The following DAB1 variants were observed in gnomAD, a reference collection of about 807,000 sequenced individuals.
DAB1 encodes disabled homolog 1.
DAB1 carries 15 observed loss-of-function variants against 64.6 expected under a neutral mutation model. The ratio of observed to expected loss-of-function variants is 0.23; its 90% CI spans 0.16 to 0.36. The LOEUF (loss-of-function observed/expected upper bound fraction) is 0.36, where lower values mean the gene tolerates loss of function less well. DAB1 is among the 10% of genes least tolerant of loss of function. DAB1 has a pLI of 1.00. For synonymous variants in DAB1, 235 were observed against 251.9 expected, an observed-to-expected ratio of 0.93 and a Z score of 0.64; for missense variants, 596 against 706.7, an observed-to-expected ratio of 0.84 and a Z score of 1.78.
chr1:57,503,084 T>C (rs939777011), intron 7 of DAB1, among the ~76,000 whole-genome samples: 1 of 152,178 alleles, frequency 6.6e-6, no homozygotes, highest in African/African-American at 2.4e-5. Flanking sequence ...TCAACTTTGG[T>C]TGGCTTGACT....
rs72676967 is a variant in DAB1 at position 57,601,019 on chromosome 1, T to A, written n.625+48573A>T. Among the ~76,000 whole-genome samples, 1,328 of 152,318 alleles carry A rather than the reference T, an allele frequency of 8.7e-3. 9 individuals carry two copies. The highest frequency in any genetic ancestry group is 0.014 in the Non-Finnish European group (963 of 68,032). ...ATTTTAATTAAAAAGAGAGTTTTTT[T>A]TTAAATGATGCCTAGTGCTATTTTT... On this transcript the variant is annotated intron_variant and non_coding_transcript_variant, in intron 7 of 20. Transcript: ENST00000485760.
rs75787097 is a variant in DAB1 at position 57,158,001 on chromosome 1, C to T, written c.68-12572G>A. 6.4e-3 allele frequency among the ~76,000 whole-genome samples: 970 copies of T among 152,246 alleles called. 22 individuals are homozygous for T. Among genetic ancestry groups the T allele is most frequent in the East Asian group, 0.057 (293 of 5,184 alleles). On this transcript the variant is annotated intron_variant, in intron 2 of 14. Coordinates refer to ENST00000371236, the MANE Select transcript of DAB1 (RefSeq NM_001365792.1). ...GCGTAGCTGCCTAACCCTTTGAGGT[C>T]GGAAGGCATCACATTTAAATCACGG... is the stretch of plus-strand genomic sequence containing the variant.
intron 5 of DAB1, among the ~76,000 whole-genome samples, chr1:58,054,273 C>T (rs536074196): frequency 1.3e-5 from 2 of 152,328 alleles, no homozygotes; most frequent in Non-Finnish European, 2.9e-5. Context: ...CCTATATCTA[C>T]AATTTTAAAA....
intron 6 of DAB1, among the ~76,000 whole-genome samples, chr1:57,754,902 C>T (rs1421359056): frequency 6.6e-6 from 1 of 152,108 alleles, no homozygotes; most frequent in Admixed American, 6.6e-5. Context: ...ATTCCCAATG[C>T]ACATTTTCAC....
intron 2 of DAB1, among the ~76,000 whole-genome samples, chr1:57,223,163 C>G (rs1352553325): frequency 2.0e-5 from 3 of 152,156 alleles, no homozygotes; most frequent in Non-Finnish European, 4.4e-5. Flanking sequence ...CTTCAGAAAC[C>G]AAAGGCAAGT....
At chr1:58,505,552 A>G (rs887133752) in intron 3 of DAB1, among the ~76,000 whole-genome samples, 1 of 152,150 alleles carries the variant, frequency 6.6e-6, no homozygotes, top group African/African-American at 2.4e-5. Context: ...GCCAGAGAGC[A>G]AATGCTTCAC....
intron 3 of DAB1, among the ~76,000 whole-genome samples, chr1:58,467,375 T>C (rs1486387873): frequency 6.6e-6 from 1 of 152,204 alleles, no homozygotes; most frequent in Non-Finnish European, 1.5e-5. Context: ...AATAATTACT[T>C]AGGCTTTGCC....
intron 6 of DAB1, among the ~76,000 whole-genome samples, chr1:57,699,900 A>C (rs1247139527): frequency 6.6e-6 from 1 of 152,182 alleles, no homozygotes; most frequent in Admixed American, 6.5e-5. Flanking sequence ...TGACAGAGTG[A>C]GAGTCCATCT....
intron 4 of DAB1, among the ~76,000 whole-genome samples, chr1:57,130,298 A>C (rs895266320): frequency 8.5e-5 from 13 of 152,204 alleles, no homozygotes; most frequent in Admixed American, 8.5e-4. Context: ...CACCAACCCT[A>C]AGACATAGGT....
chr1:58,225,898 CATGTATACAT>C (rs1266205853), intron 4 of DAB1, among the ~76,000 whole-genome samples: 1 of 144,400 alleles, frequency 6.9e-6, no homozygotes, highest in African/African-American at 2.6e-5. Context: ...CAACATGGCA[CATGTATACAT>C]ATGTAACTAA....
At chr1:58,543,736 G>A (rs576719860) in intron 1 of DAB1, among the ~76,000 whole-genome samples, 20 of 152,248 alleles carry the variant, frequency 1.3e-4, no homozygotes, top group Admixed American at 9.8e-4. Flanking sequence ...CTCTGGCAAA[G>A]GGATATACAA....
At chr1:57,796,177 A>G (rs1406689970) in intron 6 of DAB1, among the ~76,000 whole-genome samples, 1 of 152,186 alleles carries the variant, frequency 6.6e-6, no homozygotes, top group African/African-American at 2.4e-5. Flanking sequence ...CTTTAGTTTC[A>G]TTCCAATTGC....
At chr1:58,187,399 C>T (rs1657137535) in intron 4 of DAB1, among the ~76,000 whole-genome samples, 1 of 151,160 alleles carries the variant, frequency 6.6e-6, no homozygotes, top group Admixed American at 6.6e-5. Context: ...ATTACTTGAG[C>T]CTCGGAGTTT....
chr1:57,609,294 T>C (rs1368873214), intron 7 of DAB1, among the ~76,000 whole-genome samples: 1 of 152,242 alleles, frequency 6.6e-6, no homozygotes, highest in East Asian at 1.9e-4. Context: ...TGCAGACTTT[T>C]TTTCTCATTA....
At chr1:58,527,459 C>T in intron 1 of DAB1, 1 of 606,636 alleles carries the variant, frequency 1.6e-6, no homozygotes, top group Non-Finnish European at 3.0e-6. Flanking sequence ...ATACTGTCTA[C>T]TAACATTAAA....
At chr1:58,021,881 A>T (rs1646820477) in intron 5 of DAB1, among the ~76,000 whole-genome samples, 1 of 152,226 alleles carries the variant, frequency 6.6e-6, no homozygotes. Context: ...GAATGTGATG[A>T]GAGGCTGCCA....
intron 7 of DAB1, among the ~76,000 whole-genome samples, chr1:57,459,988 C>T (rs144887936): frequency 2.6e-5 from 4 of 152,260 alleles, no homozygotes; most frequent in East Asian, 1.9e-4. Context: ...TAACACTATA[C>T]CCACCTTACA....
intron 2 of DAB1, among the ~76,000 whole-genome samples, chr1:57,162,340 T>C (rs894029040): frequency 6.6e-6 from 1 of 152,182 alleles, no homozygotes; most frequent in Non-Finnish European, 1.5e-5. Context: ...TCTGGACACA[T>C]TGCCCATGGA....
chr1:57,824,894 C>A (rs996091611), downstream of DAB1, among the ~76,000 whole-genome samples: 2 of 152,146 alleles, frequency 1.3e-5, no homozygotes, highest in African/African-American at 4.8e-5. Context: ...AGGTGTCCTG[C>A]ATGGAGAAAG....
Sources: gnomAD v4.1 joint callset for allele counts (sites outside exome capture counted in the v4.1 genomes callset) on GRCh38, gnomAD v4.1.1 for gene constraint, MANE v1.5 for transcripts, NCBI Gene and HGNC (gene_info 2026-07-23, HGNC 2026-07-21) for gene names.